TJP2: variants seen among roughly 807,000 people sequenced by gnomAD.
The protein encoded by TJP2 is tight junction protein 2.
TJP2 carries 91 observed loss-of-function variants against 133.1 expected under a neutral mutation model. The observed-to-expected ratio is 0.68, with a 90% CI of 0.58 to 0.81. The LOEUF (loss-of-function observed/expected upper bound fraction) is 0.81. Ranked by LOEUF, TJP2 falls within the 40% of genes least tolerant of loss-of-function variation. The probability of loss-of-function intolerance (pLI) is 0.00; values close to 1 mark genes in which losing one functional copy is unlikely to be tolerated. For missense variants in TJP2, 1,541 were observed against 1,565.6 expected (o/e 0.98, Z 0.26); for synonymous variants, 592 against 583.4 (o/e 1.01, Z -0.21).
intron 2 of TJP2, among the ~76,000 whole-genome samples, chr9:69,215,400 T>TTG (rs1554659017): frequency 2.0e-5 from 3 of 149,196 alleles, no homozygotes; most frequent in Non-Finnish European, 3.0e-5. Context: ...GTTTTTTTTT[T>TTG]TTGTTTTTTA....
At chr9:69,174,531 C>G (rs987442284) in intron 1 of TJP2, 99 bp downstream of exon 1, 2 of 1,332,906 alleles carry the variant, frequency 1.5e-6, no homozygotes, top group African/African-American at 1.4e-5. Flanking sequence ...AAGTTGTTCC[C>G]CGATGCGCCG....
intron 1 of TJP2, among the ~76,000 whole-genome samples, chr9:69,132,253 CAG>C: frequency 6.6e-6 from 1 of 152,212 alleles, no homozygotes; most frequent in East Asian, 1.9e-4. Flanking sequence ...CATGGTTGTA[CAG>C]TTTAAGGACA....
intron 1 of TJP2, among the ~76,000 whole-genome samples, chr9:69,129,754 C>T (rs923167040): frequency 6.6e-6 from 1 of 151,860 alleles, no homozygotes. Context: ...GCCAGGCTCA[C>T]GCCTGTAATC....
chr9:69,234,420 TG>T lies in TJP2; in HGVS notation c.1672-18del. 2 of 1,423,452 alleles carry T rather than the reference TG, an allele frequency of 1.4e-6. No homozygotes were observed. Among genetic ancestry groups the T allele is most frequent in the Non-Finnish European group, 9.7e-7 (1 of 1,033,304 alleles). The allele number at this position is 1,423,452 out of a possible 1,614,324, so 88.2% of individuals were successfully genotyped here. A position where few individuals can be genotyped will look rare whatever the true frequency, so the allele number is the denominator to read the frequency against. ...TTTCTTTTTTTTTTTTTTCTTTTTC[TG>T]TTTTTCCTTCCTAATAGGTGAACAC... On this transcript the variant is annotated intron_variant, in intron 11 of 22. Transcript: ENST00000377245.
chr9:69,170,583 G>C (rs916977415), upstream of TJP2, among the ~76,000 whole-genome samples: 1 of 152,106 alleles, frequency 6.6e-6, no homozygotes, highest in African/African-American at 2.4e-5. Flanking sequence ...ACCTCCAGTC[G>C]TATCTTTCCA....
At position 69,236,060 on chromosome 9, in the gene TJP2, G is replaced by C. The variant is rs1395149375; in HGVS notation, c.1813G>C (p.Asp605His). The C allele has an allele frequency of 6.2e-7, 1 of 1,614,132 alleles. No homozygotes were observed. Among genetic ancestry groups the C allele is most frequent in the Non-Finnish European group, 8.5e-7 (1 of 1,180,028 alleles). The change falls in exon 13 of 23, where the codon GAT (aspartate) becomes CAT (histidine). Residue 605 changes from aspartate to histidine, a missense_variant. By Grantham distance (81) the Asp-to-His change is moderately conservative. Coordinates refer to ENST00000377245, the MANE Select transcript of TJP2 (RefSeq NM_004817.4). ...YRDILACGRG[D>H]SFFIRSHFEC... ...AGACATCCTGGCTTGTGGCAGAGGG[G>C]ATTCGTTTTTTATAAGAAGCCACTT...
At chr9:69,212,816 A>G (rs1828023674) in intron 2 of TJP2, among the ~76,000 whole-genome samples, 1 of 152,156 alleles carries the variant, frequency 6.6e-6, no homozygotes, top group South Asian at 2.1e-4. Flanking sequence ...GGAACATTTT[A>G]GAGGTTATTT....
intron 1 of TJP2, among the ~76,000 whole-genome samples, chr9:69,212,198 A>T (rs1827970012): frequency 6.6e-6 from 1 of 152,154 alleles, no homozygotes; most frequent in Non-Finnish European, 1.5e-5. Context: ...AGAGGGGGAG[A>T]ATGATTTTAA....
At chr9:69,138,406 C>T (rs1218850193) in intron 1 of TJP2, among the ~76,000 whole-genome samples, 1 of 151,616 alleles carries the variant, frequency 6.6e-6, no homozygotes, top group Non-Finnish European at 1.5e-5. Flanking sequence ...CAGATCCAGG[C>T]CATCAGGAAC....
chr9:69,218,233 C>T, intron 3 of TJP2, 24 bp from the exon 4 acceptor site: 1 of 1,560,074 alleles, frequency 6.4e-7, no homozygotes, highest in African/African-American at 1.4e-5. Flanking sequence ...TTTTTCATGA[C>T]CCATTTTTAT....
intron 16 of TJP2, 104 bp from the exon 17 acceptor site, chr9:69,239,830 AAAC>A: frequency 3.0e-6 from 3 of 996,718 alleles, no homozygotes; most frequent in South Asian, 1.4e-5. Context: ...GTAAACAAAC[AAAC>A]AAACAAGATA....
intron 2 of TJP2, among the ~76,000 whole-genome samples, chr9:69,162,946 G>T (rs543259009): frequency 1.3e-5 from 2 of 152,114 alleles, no homozygotes; most frequent in Non-Finnish European, 2.9e-5. Flanking sequence ...AAAAAGAATT[G>T]TAAGACCAGA....
chr9:69,188,819 C>T (rs796880276), intron 1 of TJP2, among the ~76,000 whole-genome samples: 5 of 152,244 alleles, frequency 3.3e-5, no homozygotes, highest in African/African-American at 1.2e-4. Context: ...AAGTCCATAG[C>T]CTCCAGTTAG....
intron 4 of TJP2, among the ~76,000 whole-genome samples, chr9:69,218,970 A>ATT (rs749157849): frequency 4.5e-4 from 27 of 59,800 alleles, no homozygotes; most frequent in East Asian, 1.3e-3. Context: ...GTGTGTGTGT[A>ATT]TTTTTTTTTT....
At chr9:69,166,225 T>C (rs1824349460) in intron 2 of TJP2, among the ~76,000 whole-genome samples, 1 of 152,094 alleles carries the variant, frequency 6.6e-6, no homozygotes, top group Non-Finnish European at 1.5e-5. Flanking sequence ...ATCCTCTTGC[T>C]TCAGCCTCCC....
At chr9:69,151,919 T>A in intron 2 of TJP2, 1 of 794,732 alleles carries the variant, frequency 1.3e-6, no homozygotes, top group Non-Finnish European at 1.7e-6. Flanking sequence ...AATTTAATGG[T>A]AATGTCCTAT....
upstream of TJP2, chr9:69,174,226 C>CAAA (rs1032678707): frequency 1.4e-5 from 21 of 1,473,882 alleles, no homozygotes; most frequent in African/African-American, 3.0e-4. Flanking sequence ...GGAGGAGGGA[C>CAAA]AAAGGGGTGG....
chr9:69,174,198 G>T, upstream of TJP2: 1 of 1,396,114 alleles, frequency 7.2e-7, no homozygotes, highest in South Asian at 1.6e-5. Context: ...GGGGCGGGCT[G>T]ACGCCGCCGC....
intron 22 of TJP2, chr9:69,253,159 G>C (rs1831464010): frequency 3.8e-6 from 2 of 526,270 alleles, no homozygotes; most frequent in South Asian, 4.3e-5. Context: ...ACACATTGGA[G>C]CCTGGTTATG....
Sources: gnomAD v4.1 joint callset for allele counts (sites outside exome capture counted in the v4.1 genomes callset) on GRCh38, gnomAD v4.1.1 for gene constraint, MANE v1.5 for transcripts, NCBI Gene and HGNC (gene_info 2026-07-23, HGNC 2026-07-21) for gene names.